The following ARV1 variants were observed in gnomAD, a reference collection of about 807,000 sequenced individuals.
The protein encoded by ARV1 is ARV1 fatty acid homeostasis modulator, also known as protein ARV1.
A neutral mutation model predicts 31.1 loss-of-function variants in ARV1; 26 were observed. The ratio of observed to expected loss-of-function variants is 0.84; its 90% CI spans 0.61 to 1.16. The LOEUF (loss-of-function observed/expected upper bound fraction) is 1.16, where lower values mean the gene tolerates loss of function less well. ARV1 is among the 50% of genes most tolerant of loss of function. The probability of loss-of-function intolerance (pLI) is 0.00; values close to 1 mark genes in which losing one functional copy is unlikely to be tolerated. For missense variants in ARV1, 281 were observed against 324.9 expected, an observed-to-expected ratio of 0.86 and a Z score of 1.04; for synonymous variants, 117 against 123.2, an observed-to-expected ratio of 0.95 and a Z score of 0.34.
intron 5 of ARV1, among the ~76,000 whole-genome samples, chr1:230,999,454 A>G (rs1286206086): frequency 6.6e-6 from 1 of 152,168 alleles, no homozygotes; most frequent in African/African-American, 2.4e-5. Flanking sequence ...GATTGCTGAC[A>G]TAGGAGTTTC....
At chr1:230,990,086 A>C (rs1337486896) in intron 2 of ARV1, 24 bp from the exon 3 acceptor site, 2 of 1,583,500 alleles carry the variant, frequency 1.3e-6, no homozygotes, top group East Asian at 4.5e-5. Context: ...TACCTAATTG[A>C]ATGGCAATGT....
At chr1:230,993,271 A>T (rs1393473543) in intron 3 of ARV1, among the ~76,000 whole-genome samples, 3 of 151,924 alleles carry the variant, frequency 2.0e-5, no homozygotes, top group South Asian at 2.1e-4. Context: ...AAAAAAAAAA[A>T]TTTATGTAAA....
chr1:230,997,005 A>T (rs886840734), intron 4 of ARV1, 116 bp from the exon 5 acceptor site: 5 of 1,278,206 alleles, frequency 3.9e-6, no homozygotes, highest in Non-Finnish European at 2.2e-6. Flanking sequence ...GATTAATAAG[A>T]ACAAACATTG....
chr1:230,986,469 C>T (rs1679071537), intron 1 of ARV1, among the ~76,000 whole-genome samples: 1 of 151,986 alleles, frequency 6.6e-6, no homozygotes, highest in Non-Finnish European at 1.5e-5. Context: ...ACTCGCAACT[C>T]TTCTATTTTA....
intron 5 of ARV1, among the ~76,000 whole-genome samples, chr1:230,998,324 T>C (rs552048967): frequency 6.6e-6 from 1 of 152,304 alleles, no homozygotes; most frequent in African/African-American, 2.4e-5. Flanking sequence ...TGTTACATCC[T>C]CCTTGCAAGT....
chr1:230,995,210 A>G (rs550854252), intron 3 of ARV1, among the ~76,000 whole-genome samples: 1 of 152,224 alleles, frequency 6.6e-6, no homozygotes, highest in African/African-American at 2.4e-5. Flanking sequence ...TGTCCTATGA[A>G]TACTTTCTGG....
chr1:230,984,960 C>G (rs1679023544), intron 1 of ARV1, among the ~76,000 whole-genome samples: 1 of 152,130 alleles, frequency 6.6e-6, no homozygotes, highest in Non-Finnish European at 1.5e-5. Flanking sequence ...TTACCCAGGC[C>G]AACTCCTTAC....
chr1:230,990,292 A>G (rs1270897680), intron 3 of ARV1, 29 bp downstream of exon 3: 15 of 1,610,926 alleles, frequency 9.3e-6, no homozygotes, highest in Non-Finnish European at 1.3e-5. Context: ...TTCCATTCTT[A>G]GTTAACTATT....
chr1:230,984,394 GTGTGTGTA>G (rs1679003019), intron 1 of ARV1, among the ~76,000 whole-genome samples: 3 of 150,754 alleles, frequency 2.0e-5, no homozygotes, highest in African/African-American at 7.4e-5. Flanking sequence ...GTGTGTGTGT[GTGTGTGTA>G]GTTTTCCTCT....
At chr1:230,981,107 G>A (rs1440424627) in intron 1 of ARV1, among the ~76,000 whole-genome samples, 1 of 152,054 alleles carries the variant, frequency 6.6e-6, no homozygotes, top group African/African-American at 2.4e-5. Flanking sequence ...TACTTCACTG[G>A]CTGTTACCCC....
chr1:230,982,859 A>T (rs1678948505), intron 1 of ARV1, among the ~76,000 whole-genome samples: 1 of 152,226 alleles, frequency 6.6e-6, no homozygotes, highest in African/African-American at 2.4e-5. Context: ...CATAATCTCC[A>T]GAGTTTCTAA....
At chr1:230,980,327 T>G (rs149326395) in intron 1 of ARV1, among the ~76,000 whole-genome samples, 4 of 67,570 alleles carry the variant, frequency 5.9e-5, no homozygotes, top group African/African-American at 1.5e-4. Flanking sequence ...CTTATTTCGG[T>G]TTTTTTTTTC....
intron 1 of ARV1, among the ~76,000 whole-genome samples, chr1:230,984,345 TGTGTGTGTGTGTGTGTGC>T (rs1156300799): frequency 0.013 from 765 of 59,396 alleles, 10 homozygotes; most frequent in African/African-American, 0.053. Context: ...GTTTGTTTCG[TGTGTGTGTGTGTGTGTGC>T]GTGTGTGTGT....
intron 2 of ARV1, 115 bp from the exon 3 acceptor site, chr1:230,989,995 G>T: frequency 9.6e-7 from 1 of 1,044,224 alleles, no homozygotes. Flanking sequence ...ACTTAATTGG[G>T]CAGTCCTGAA....
chr1:230,992,292 GCTTCCA>G (rs1211119049), intron 3 of ARV1, among the ~76,000 whole-genome samples: 1 of 152,110 alleles, frequency 6.6e-6, no homozygotes, highest in African/African-American at 2.4e-5. Flanking sequence ...CACTGGATGA[GCTTCCA>G]CCTTAAGGCC....
chr1:230,995,861 T>G lies in ARV1; in HGVS notation c.550T>G (p.Leu184Val), dbSNP rs1679348692. ...CTTCATTTTGCTGCTGAAAGCATTA[T>G]TATTATCTAGCTACGGAAAACTCTT... ...PNFILLLKAL[L>V]LSSYGKLLLI... Residue 184 changes from leucine (L) to valine (V), a missense_variant, in exon 4 of 6, where the codon TTA (leucine) becomes GTA (valine). Leu to Val is a conservative substitution (Grantham distance 32). Coordinates refer to ENST00000310256, the MANE Select transcript of ARV1 (RefSeq NM_022786.3). 1 of 1,614,198 alleles carries G rather than the reference T, an allele frequency of 6.2e-7. No individual in the cohort carries two copies. Among genetic ancestry groups the G allele is most frequent in the Admixed American group, 1.7e-5 (1 of 60,030 alleles).
chr1:230,980,042 T>C (rs965843312), intron 1 of ARV1, among the ~76,000 whole-genome samples: 1 of 152,238 alleles, frequency 6.6e-6, no homozygotes, highest in African/African-American at 2.4e-5. Flanking sequence ...TTTTCTAATC[T>C]CTTTAGTAAA....
chr1:230,997,066 C>T, intron 4 of ARV1, 55 bp from the exon 5 acceptor site: 1 of 1,574,970 alleles, frequency 6.3e-7, no homozygotes, highest in South Asian at 1.2e-5. Context: ...CGAAAATTTA[C>T]ATGTCAATAT....
At chr1:230,980,841 T>G (rs1473710902) in intron 1 of ARV1, among the ~76,000 whole-genome samples, 3 of 152,144 alleles carry the variant, frequency 2.0e-5, no homozygotes, top group Non-Finnish European at 4.4e-5. Context: ...CTCTTTTTCT[T>G]CTTAATTAGA....
Sources: allele counts gnomAD v4.1 joint callset (sites outside exome capture counted in the v4.1 genomes callset), GRCh38; gene constraint gnomAD v4.1.1; transcripts MANE v1.5; gene names NCBI Gene and HGNC (gene_info 2026-07-23, HGNC 2026-07-21).